ZNF608: variants seen among roughly 807,000 people sequenced by gnomAD.
The protein encoded by ZNF608 is renal carcinoma antigen NY-REN-36.
A neutral mutation model predicts 109.0 loss-of-function variants in ZNF608; 12 were observed. The observed-to-expected ratio is 0.11, with a 90% CI of 0.07 to 0.18. ZNF608 has a LOEUF of 0.18. Among genes scored for constraint, ZNF608 ranks in the 10% least tolerant of loss-of-function variants. ZNF608 has a pLI of 1.00. For synonymous variants in ZNF608, 732 were observed against 717.4 expected (o/e 1.02, Z -0.33); for missense variants, 1,707 against 1,879.3 (o/e 0.91, Z 1.70).
At chr5:124,670,411 T>C (rs1751667649) in intron 3 of ZNF608, among the ~76,000 whole-genome samples, 1 of 151,972 alleles carries the variant, frequency 6.6e-6, no homozygotes, top group African/African-American at 2.4e-5. Context: ...AACGTCTTGA[T>C]ATGCTATGTA....
At chr5:124,698,779 C>G (rs941874472) in intron 3 of ZNF608, among the ~76,000 whole-genome samples, 1 of 152,084 alleles carries the variant, frequency 6.6e-6, no homozygotes, top group Non-Finnish European at 1.5e-5. Flanking sequence ...GATTTTTTTC[C>G]TAAATAATCT....
intron 3 of ZNF608, among the ~76,000 whole-genome samples, chr5:124,671,619 A>T (rs998611003): frequency 2.0e-5 from 3 of 150,536 alleles, no homozygotes; most frequent in Non-Finnish European, 4.4e-5. Context: ...AAACAGGCAC[A>T]TCATACTGTC....
chr5:124,695,078 C>T (rs1279173085), intron 3 of ZNF608, among the ~76,000 whole-genome samples: 1 of 152,248 alleles, frequency 6.6e-6, no homozygotes, highest in Admixed American at 6.5e-5. Flanking sequence ...ACATTGGGGG[C>T]TGATTTATCT....
At chr5:124,663,618 T>C (rs1422114246) in intron 3 of ZNF608, among the ~76,000 whole-genome samples, 2 of 152,164 alleles carry the variant, frequency 1.3e-5, no homozygotes, top group African/African-American at 2.4e-5. Context: ...GACTTTGACA[T>C]TTAGCCAAAG....
chr5:124,649,424 A>C (rs766647674), intron 4 of ZNF608, among the ~76,000 whole-genome samples, 186 bp downstream of exon 4: 2 of 152,232 alleles, frequency 1.3e-5, no homozygotes, highest in Non-Finnish European at 1.5e-5. Flanking sequence ...AGGGGTGGGG[A>C]GCAGAGATCT....
intron 2 of ZNF608, chr5:124,707,689 C>G (rs35881280): frequency 6.6e-6 from 1 of 152,024 alleles, no homozygotes; most frequent in African/African-American, 2.4e-5. Flanking sequence ...TCTTTAGAGG[C>G]GACCACTGCT....
chr5:124,706,949 A>AGAAAAGGTTATTTACACAGAGAGCGG (rs1206465133), intron 2 of ZNF608, among the ~76,000 whole-genome samples: 2 of 152,174 alleles, frequency 1.3e-5, no homozygotes, highest in Non-Finnish European at 2.9e-5. Flanking sequence ...GAGGCAGGGA[A>AGAAAAGGTTATTTACACAGAGAGCGG]GAAAAGGTTA....
intron 3 of ZNF608, among the ~76,000 whole-genome samples, chr5:124,667,404 AT>A (rs1471662611): frequency 6.6e-6 from 1 of 152,334 alleles, no homozygotes; most frequent in Admixed American, 6.5e-5. Flanking sequence ...CAGAGTGTTC[AT>A]TCTGTGCAAG....
intron 1 of ZNF608, 72 bp downstream of exon 1, chr5:124,746,121 AAC>A (rs1157121687): frequency 2.2e-5 from 22 of 985,056 alleles, no homozygotes; most frequent in South Asian, 4.7e-5. Context: ...GCCCCTTTTT[AAC>A]AGTTGATTGT....
At position 124,701,024 on chromosome 5, in the gene ZNF608, T is replaced by C; in HGVS notation, c.1152A>G (p.Glu384=). ...SVNLEGIVWH[E]TEEGVLVVNV... ...ATAAATTGTATTTACCTTCTTCTGT[T>C]TCATGCCACACGATCCCTTCCAAAT... The change falls in exon 3 of 10, where the codon GAA becomes GAG. Residue 384 remains glutamate (E), a synonymous_variant. Coordinates refer to ENST00000513986, the MANE Select transcript of ZNF608 (RefSeq NM_020747.3). The C allele has an allele frequency of 6.2e-7, 1 of 1,614,126 alleles. No individual in the cohort carries two copies. The highest frequency in any genetic ancestry group is 8.5e-7 in the Non-Finnish European group (1 of 1,179,982).
At chr5:124,687,573 G>A (rs1476838266) in intron 3 of ZNF608, among the ~76,000 whole-genome samples, 1 of 152,124 alleles carries the variant, frequency 6.6e-6, no homozygotes, top group Non-Finnish European at 1.5e-5. Flanking sequence ...CTGCCTCACA[G>A]CACTTTTTTA....
chr5:124,655,620 A>G (rs1004469197), intron 3 of ZNF608, among the ~76,000 whole-genome samples: 4 of 152,358 alleles, frequency 2.6e-5, no homozygotes, highest in Admixed American at 6.5e-5. Flanking sequence ...ATGTCACAAT[A>G]TGCTGATTTC....
chr5:124,696,355 T>C (rs532176690), intron 3 of ZNF608, among the ~76,000 whole-genome samples: 50 of 152,312 alleles, frequency 3.3e-4, no homozygotes, highest in Non-Finnish European at 6.3e-4. Flanking sequence ...TGCTGAGTCT[T>C]CTCATTAAAA....
chr5:124,738,213 T>C lies in ZNF608; in HGVS notation c.906+5871A>G, dbSNP rs971391821. 3.9e-5 allele frequency among the ~76,000 whole-genome samples: 6 copies of C among 152,342 alleles called. No individual in the cohort carries two copies. In the East Asian group the frequency reaches 9.6e-4, roughly 24 times the overall value. On this transcript the variant is annotated intron_variant, in intron 2 of 9. Transcript: ENST00000513986. ...AGGGAGCTCACCTGTTCTCCATCCC[T>C]TTAATCTTCAATGACTACATTAGGA... is the stretch of plus-strand genomic sequence containing the variant.
In ZNF608 at chr5:124,641,381, G is replaced by A. The variant is rs774073868; in HGVS notation, c.4321C>T (p.Arg1441Trp). 4 of 1,613,724 alleles carry A rather than the reference G, an allele frequency of 2.5e-6. No individual in the cohort carries two copies. Among genetic ancestry groups the A allele is most frequent in the South Asian group, 1.1e-5 (1 of 91,044 alleles). The change falls in exon 8 of 10, where the codon CGG becomes TGG. Residue 1441 changes from arginine to tryptophan, a missense_variant. By Grantham distance (101) the Arg-to-Trp change is moderately radical (BLOSUM62 -3). This residue lies in a region of ZNF608 where 1,073 missense variants were observed against 1,133.5 expected (regional missense o/e 0.95). Transcript: ENST00000513986. ...CTTTCCCTTTCTGCCTCCCGTTCCC[G>A]CTCAGCTGTAGCCTTTTCCACAGGC... ...PAPVEKATAE[R>W]EREAERERDR...
chr5:124,748,406 G>T, upstream of ZNF608: 1 of 351,532 alleles, frequency 2.8e-6, no homozygotes, highest in Non-Finnish European at 4.0e-6. Flanking sequence ...TTCTTGGGTT[G>T]TTGTTCTAAA....
rs780053794 is a variant in ZNF608 at position 124,647,110 on chromosome 5, T to C, written c.3274A>G (p.Lys1092Glu). The C allele has an allele frequency of 1.2e-5, 19 of 1,614,064 alleles. No homozygotes were observed. Among genetic ancestry groups the C allele is most frequent in the Non-Finnish European group, 1.5e-5 (18 of 1,180,036 alleles). The stretch of plus-strand genomic sequence containing the variant: ...GCAGGGCTGGTGGCCATCAGAGACT[T>C]CTGGTCCATATAGAGCCCATATGCA... ...QYAYGLYMDQKSLMATSPAYR... is the reference protein window; with the variant it reads ...QYAYGLYMDQESLMATSPAYR... Residue 1092 changes from lysine to glutamate, a missense_variant, in exon 5 of 10, where the codon AAG becomes GAG. This residue lies in a region of ZNF608 where 1,073 missense variants were observed against 1,133.5 expected (regional missense o/e 0.95). Coordinates refer to ENST00000513986, the MANE Select transcript of ZNF608 (RefSeq NM_020747.3).
chr5:124,714,713 G>A (rs149419274), intron 2 of ZNF608, among the ~76,000 whole-genome samples: 148 of 152,306 alleles, frequency 9.7e-4, no homozygotes, highest in African/African-American at 3.3e-3. Context: ...ACAAATGTTA[G>A]TTATTATTGT....
chr5:124,661,461 AAAG>A (rs1346486524), intron 3 of ZNF608, among the ~76,000 whole-genome samples: 4 of 146,336 alleles, frequency 2.7e-5, no homozygotes, highest in African/African-American at 1.0e-4. Context: ...TCCACATTCC[AAAG>A]TTCTTATCTT....
Sources: gnomAD v4.1 joint callset for allele counts (sites outside exome capture counted in the v4.1 genomes callset) on GRCh38, gnomAD v4.1.1 for gene constraint, gnomAD v4.1.1 regional missense constraint, MANE v1.5 for transcripts, NCBI Gene and HGNC (gene_info 2026-07-23, HGNC 2026-07-21) for gene names.